CACNA2D3: variants seen among roughly 807,000 people sequenced by gnomAD.
The protein encoded by CACNA2D3 is calcium voltage-gated channel auxiliary subunit alpha2delta 3.
CACNA2D3 carries 60 observed loss-of-function variants against 160.6 expected under a neutral mutation model. That is an observed-to-expected ratio of 0.37 (90% CI 0.30 to 0.46). The LOEUF is 0.46. Among genes scored for constraint, CACNA2D3 ranks in the 20% least tolerant of loss-of-function variants. CACNA2D3 has a pLI of 1.00. For synonymous variants in CACNA2D3, 558 were observed against 492.9 expected (o/e 1.13, Z -1.75); for missense variants, 1,205 against 1,365.0 (o/e 0.88, Z 1.85).
rs968618602 is a variant in CACNA2D3, at chr3:54,968,336, T to G, written c.2450-114T>G. ...TTAGTTGTATGCTTCACTGTACATT[T>G]TATTTTATATGCTTATATCAGCTTC... On this transcript the variant is annotated intron_variant, in intron 27 of 37. Coordinates refer to ENST00000474759, the MANE Select transcript of CACNA2D3 (RefSeq NM_018398.3). The G allele has an allele frequency of 1.1e-5, 8 of 710,522 alleles. No individual in the cohort carries two copies. In the Admixed American group the frequency reaches 1.4e-4, roughly 12 times the overall value. 44.0% of individuals were successfully genotyped at this position (710,522 alleles called of 1,614,324 possible).
At chr3:54,330,539 T>C (rs957809625) in intron 3 of CACNA2D3, among the ~76,000 whole-genome samples, 1 of 152,296 alleles carries the variant, frequency 6.6e-6, no homozygotes, top group Non-Finnish European at 1.5e-5. Flanking sequence ...ACCCAGGTTG[T>C]GGCCCTGATT....
At chr3:55,007,359 G>C (rs768344047) in intron 32 of CACNA2D3, among the ~76,000 whole-genome samples, 2 of 152,178 alleles carry the variant, frequency 1.3e-5, no homozygotes, top group Non-Finnish European at 2.9e-5. Context: ...GCTTATTTTA[G>C]TGAATGACAT....
intron 2 of CACNA2D3, among the ~76,000 whole-genome samples, chr3:54,225,664 T>C (rs187172754): frequency 6.6e-6 from 1 of 152,370 alleles, no homozygotes; most frequent in Non-Finnish European, 1.5e-5. Context: ...CAGACAACAA[T>C]TATTTGGTGA....
intron 13 of CACNA2D3, among the ~76,000 whole-genome samples, chr3:54,784,813 C>A (rs1399228142): frequency 1.3e-5 from 2 of 152,198 alleles, no homozygotes; most frequent in Non-Finnish European, 1.5e-5. Flanking sequence ...AGGATCTTTT[C>A]AAGAGCAAGG....
intron 2 of CACNA2D3, among the ~76,000 whole-genome samples, chr3:54,146,817 CT>C (rs750655972): frequency 6.6e-6 from 1 of 152,262 alleles, no homozygotes; most frequent in Non-Finnish European, 1.5e-5. Flanking sequence ...GATTGCCACA[CT>C]TTGTCACAGG....
intron 29 of CACNA2D3, among the ~76,000 whole-genome samples, chr3:54,981,015 C>T (rs985209964): frequency 6.6e-5 from 10 of 152,176 alleles, no homozygotes; most frequent in Non-Finnish European, 1.5e-4. Context: ...TTATATTACA[C>T]ATACAACACA....
chr3:54,885,236 G>A (rs1191445882), intron 21 of CACNA2D3, 45 bp from the exon 22 acceptor site: 1 of 1,602,110 alleles, frequency 6.2e-7, no homozygotes, highest in East Asian at 2.2e-5. Flanking sequence ...CAGGAGGACT[G>A]GGGGAGTGAT....
chr3:54,880,847 T>C lies in CACNA2D3; in HGVS notation c.1896T>C (p.Asn632=), dbSNP rs1699779302. ...ATGGGAAATATTTCTTCCGAGGGAA[T>C]GTAACCATCGAAGAAGGTAAGATAC... The part of the protein sequence containing the change: ...RGHGKYFFRG[N]VTIEEGLHDL... The change falls in exon 21 of 38, where the codon AAT becomes AAC. Residue 632 remains asparagine, a synonymous_variant. Transcript: ENST00000474759. The C allele has an allele frequency of 6.2e-7, 1 of 1,613,712 alleles. No individual in the cohort carries two copies. Among genetic ancestry groups the C allele is most frequent in the Admixed American group, 1.7e-5 (1 of 60,004 alleles).
intron 29 of CACNA2D3, among the ~76,000 whole-genome samples, chr3:54,978,672 C>G (rs1349536906): frequency 6.6e-6 from 1 of 152,272 alleles, no homozygotes; most frequent in South Asian, 2.1e-4. Context: ...ACTATTGGAA[C>G]CAAGCTGATA....
At chr3:54,969,547 A>T (rs1348193804) in intron 28 of CACNA2D3, among the ~76,000 whole-genome samples, 1 of 152,154 alleles carries the variant, frequency 6.6e-6, no homozygotes, top group East Asian at 1.9e-4. Flanking sequence ...GGTGTGAGCC[A>T]CTGTGCCTGC....
In CACNA2D3 at chr3:54,400,495, G is replaced by T. The variant is rs754804442; in HGVS notation, c.381+13721G>T. Among the ~76,000 whole-genome samples the T allele has an allele frequency of 2.0e-5, 3 of 152,070 alleles. No homozygotes were observed. The East Asian group carries it at 5.8e-4, about 29-fold the overall frequency. ...CATCAAGAAATATCTTCTCATCTAAGACTCACCATTGTGTGGAAAGAAAGA... is the reference window on the plus strand; with the variant it reads ...CATCAAGAAATATCTTCTCATCTAATACTCACCATTGTGTGGAAAGAAAGA... On this transcript the variant is annotated intron_variant, in intron 4 of 37. Transcript: ENST00000474759.
chr3:54,899,022 T>C (rs1700266883), intron 26 of CACNA2D3, among the ~76,000 whole-genome samples: 1 of 152,196 alleles, frequency 6.6e-6, no homozygotes, highest in Non-Finnish European at 1.5e-5. Flanking sequence ...TGGTCCTAAG[T>C]GTATTCATAT....
intron 9 of CACNA2D3, among the ~76,000 whole-genome samples, chr3:54,627,452 T>C (rs1171454145): frequency 1.6e-4 from 24 of 152,032 alleles, no homozygotes; most frequent in Admixed American, 1.6e-3. Context: ...GAGTCCTAAA[T>C]GTGATCAGGA....
intron 11 of CACNA2D3, among the ~76,000 whole-genome samples, chr3:54,697,396 A>G (rs1700684175): frequency 6.6e-6 from 1 of 152,198 alleles, no homozygotes; most frequent in Non-Finnish European, 1.5e-5. Flanking sequence ...TCTTATCCAC[A>G]GTAAAGTTTG....
At chr3:54,782,524 C>CT (rs1702555398) in intron 13 of CACNA2D3, among the ~76,000 whole-genome samples, 1 of 151,916 alleles carries the variant, frequency 6.6e-6, no homozygotes, top group African/African-American at 2.4e-5. Flanking sequence ...TTATTTTGGA[C>CT]TTGCCAAGTT....
At chr3:54,944,404 T>G (rs1041296908) in intron 27 of CACNA2D3, among the ~76,000 whole-genome samples, 27 of 142,344 alleles carry the variant, frequency 1.9e-4, no homozygotes, top group African/African-American at 6.2e-4. Flanking sequence ...GGGTATTTAT[T>G]TATTTATTTA....
chr3:54,554,868 C>CTTTTTTTTTTTTTTTTTTTTTTTTT (rs1248489904), intron 5 of CACNA2D3, among the ~76,000 whole-genome samples: 1 of 88,170 alleles, frequency 1.1e-5, no homozygotes, highest in African/African-American at 5.0e-5. Context: ...CTCTCTCACT[C>CTTTTTTTTTTTTTTTTTTTTTTTTT]TCTTTTTTTT....
chr3:54,387,945 C>A (rs1411603018), intron 4 of CACNA2D3, among the ~76,000 whole-genome samples: 1 of 152,154 alleles, frequency 6.6e-6, no homozygotes, highest in African/African-American at 2.4e-5. Flanking sequence ...CAAAGCTGAC[C>A]ACCGGCTGCA....
intron 29 of CACNA2D3, among the ~76,000 whole-genome samples, chr3:54,975,944 G>C (rs183397527): frequency 1.3e-5 from 2 of 151,808 alleles, no homozygotes; most frequent in East Asian, 1.9e-4. Context: ...CCAGACACTT[G>C]GTACATTGAT....
Sources: allele counts gnomAD v4.1 joint callset (sites outside exome capture counted in the v4.1 genomes callset), GRCh38; gene constraint gnomAD v4.1.1; transcripts MANE v1.5; gene names NCBI Gene and HGNC (gene_info 2026-07-23, HGNC 2026-07-21).